Variants in SH3BGRL observed in about 807,000 individuals in gnomAD.
SH3BGRL encodes the protein adapter SH3BGRL.
A neutral mutation model predicts 9.8 loss-of-function variants in SH3BGRL; 7 were observed. The ratio of observed to expected loss-of-function variants is 0.72; its 90% confidence interval spans 0.41 to 1.35. The LOEUF is 1.35. Among genes scored for constraint, SH3BGRL ranks in the 40% most tolerant of loss-of-function variants. The pLI is 0.01. For missense variants in SH3BGRL, 73 were observed against 84.4 expected (o/e 0.86, Z 0.53); for synonymous variants, 36 against 29.1 (o/e 1.24, Z -0.76).
At chrX:81,218,754 T>C (rs2147671256) in intron 1 of SH3BGRL, among the ~76,000 whole-genome samples, 2 of 101,429 alleles carry the variant, frequency 2.0e-5, no homozygotes, top group South Asian at 9.0e-4. Flanking sequence ...CATACAGATA[T>C]ATAGATATAG....
intron 1 of SH3BGRL, among the ~76,000 whole-genome samples, chrX:81,260,244 G>A (rs2075737061): frequency 9.0e-6 from 1 of 111,188 alleles, no homozygotes; most frequent in African/African-American, 3.3e-5. Context: ...TTTGTTATTC[G>A]TAGGCTTAGT....
intron 3 of SH3BGRL, among the ~76,000 whole-genome samples, chrX:81,292,162 A>G (rs2075859971): frequency 1.8e-5 from 2 of 112,097 alleles, no homozygotes; most frequent in South Asian, 7.4e-4. Context: ...GCACTGCCCC[A>G]GTAGAGGTTC....
chrX:81,283,606 C>T (rs1320571237), intron 3 of SH3BGRL, among the ~76,000 whole-genome samples: 1 of 111,498 alleles, frequency 9.0e-6, no homozygotes, highest in Non-Finnish European at 1.9e-5. Flanking sequence ...AAGCATTCAA[C>T]AAAATCCAGC....
At chrX:81,228,838 A>G (rs887927957) in intron 1 of SH3BGRL, among the ~76,000 whole-genome samples, 1 of 112,185 alleles carries the variant, frequency 8.9e-6, no homozygotes, top group Non-Finnish European at 1.9e-5. Context: ...TTCATTTCTC[A>G]ACACAGTGAC....
At chrX:81,283,723 G>A (rs1034803177) in intron 3 of SH3BGRL, among the ~76,000 whole-genome samples, 4 of 110,954 alleles carry the variant, frequency 3.6e-5, no homozygotes, top group African/African-American at 1.3e-4. Flanking sequence ...TACAGAATGG[G>A]GAAAAGTTGA....
At chrX:81,242,237 C>G (rs1055215616) in intron 1 of SH3BGRL, among the ~76,000 whole-genome samples, 2 of 111,612 alleles carry the variant, frequency 1.8e-5, no homozygotes, top group African/African-American at 6.5e-5. Flanking sequence ...ATAGAACAGA[C>G]TAGAGAACCC....
intron 1 of SH3BGRL, chrX:81,237,072 A>T (rs989011742): frequency 4.4e-6 from 4 of 911,320 alleles, no homozygotes; most frequent in Non-Finnish European, 5.6e-6. Context: ...AGTGAGAGAA[A>T]AGTCAAGTAA....
At chrX:81,223,858 C>G (rs1856357568) in intron 1 of SH3BGRL, among the ~76,000 whole-genome samples, 1 of 110,698 alleles carries the variant, frequency 9.0e-6, no homozygotes, top group African/African-American at 3.3e-5. Flanking sequence ...TTAAAAAAAA[C>G]TTTTTTTTGT....
At chrX:81,237,963 G>A (rs972045835) in intron 1 of SH3BGRL, among the ~76,000 whole-genome samples, 2 of 108,061 alleles carry the variant, frequency 1.9e-5, no homozygotes, top group Non-Finnish European at 3.8e-5. Flanking sequence ...CCTAGCTCCC[G>A]GATGACATTT....
At chrX:81,244,652 A>G in intron 1 of SH3BGRL, among the ~76,000 whole-genome samples, 1 of 111,644 alleles carries the variant, frequency 9.0e-6, no homozygotes, top group East Asian at 2.8e-4. Context: ...TTTTTAATTT[A>G]ATTTTCTTAT....
intron 1 of SH3BGRL, among the ~76,000 whole-genome samples, chrX:81,249,005 G>A (rs1470838828): frequency 1.8e-5 from 2 of 111,913 alleles, no homozygotes; most frequent in Non-Finnish European, 3.8e-5. Context: ...CAATTCTGGT[G>A]GATTCCCATT....
intron 1 of SH3BGRL, among the ~76,000 whole-genome samples, chrX:81,207,440 G>T (rs2075550862): frequency 8.9e-6 from 1 of 112,378 alleles, no homozygotes; most frequent in Non-Finnish European, 1.9e-5. Flanking sequence ...TCTGGATTGT[G>T]TAATTAGTCA....
At chrX:81,238,661 G>A (rs1177299265) in intron 1 of SH3BGRL, among the ~76,000 whole-genome samples, 1 of 111,288 alleles carries the variant, frequency 9.0e-6, no homozygotes, top group East Asian at 2.8e-4. Flanking sequence ...CAGTAGCCAG[G>A]GGGTGATTAC....
chrX:81,222,770 C>G (rs978161016), intron 1 of SH3BGRL, among the ~76,000 whole-genome samples: 1 of 111,677 alleles, frequency 9.0e-6, no homozygotes, highest in Non-Finnish European at 1.9e-5. Flanking sequence ...AATGGTTGAA[C>G]TATTTTACAG....
At chrX:81,213,037 T>A (rs1329273067) in intron 1 of SH3BGRL, among the ~76,000 whole-genome samples, 1 of 112,365 alleles carries the variant, frequency 8.9e-6, no homozygotes, top group Non-Finnish European at 1.9e-5. Context: ...AAACTAGCGA[T>A]AGAGTGCATA....
At position 81,278,965 on chromosome X, in the gene SH3BGRL, G is replaced by A. The variant is rs149865041; in HGVS notation, c.312+554G>A. 7.9e-3 allele frequency among the ~76,000 whole-genome samples: 892 copies of A among 112,343 alleles called. 12 individuals carry two copies. The highest frequency in any genetic ancestry group is 0.027 in the African/African-American group (834 of 30,932). Reference sequence around the variant, plus strand: ...ACCAAATAAAGAAAGCAACAATAAAGTTGCCTGTCTAGTGAGATGTCCCCA... The same window carrying A: ...ACCAAATAAAGAAAGCAACAATAAAATTGCCTGTCTAGTGAGATGTCCCCA... On this transcript the variant is annotated intron_variant, in intron 3 of 3. Transcript: ENST00000373212.
chrX:81,238,259 C>T (rs2075654903), intron 1 of SH3BGRL, among the ~76,000 whole-genome samples: 1 of 111,321 alleles, frequency 9.0e-6, no homozygotes, highest in Admixed American at 9.5e-5. Flanking sequence ...TGAAGGGAGC[C>T]CACTGCCCTG....
intron 1 of SH3BGRL, among the ~76,000 whole-genome samples, chrX:81,261,834 C>T (rs985407088): frequency 2.7e-5 from 3 of 110,861 alleles, no homozygotes; most frequent in Admixed American, 9.6e-5. Flanking sequence ...ATTCCACAGG[C>T]GTTAGTACTT....
intron 1 of SH3BGRL, among the ~76,000 whole-genome samples, chrX:81,275,253 A>G (rs778293217): frequency 2.7e-4 from 30 of 111,262 alleles, no homozygotes; most frequent in Non-Finnish European, 5.5e-4. Context: ...ATTCAAAAAA[A>G]AAAATCTGTT....
Sources: allele counts gnomAD v4.1 joint callset (sites outside exome capture counted in the v4.1 genomes callset), GRCh38; gene constraint gnomAD v4.1.1; transcripts MANE v1.5; gene names NCBI Gene and HGNC (gene_info 2026-07-23, HGNC 2026-07-21).